The following CNTN4 variants were observed in gnomAD, a reference collection of about 807,000 sequenced individuals.
CNTN4 encodes contactin-4.
In CNTN4, 77 loss-of-function variants were observed where a neutral mutation model predicts 122.5. That is an observed-to-expected ratio of 0.63 (90% confidence interval 0.52 to 0.76). The LOEUF (loss-of-function observed/expected upper bound fraction) is 0.76, where lower values mean the gene tolerates loss of function less well. Among genes scored for constraint, CNTN4 ranks in the 30% least tolerant of loss-of-function variants. The pLI is 0.00. For synonymous variants in CNTN4, 512 were observed against 447.0 expected (o/e 1.15, Z -1.83); for missense variants, 1,256 against 1,259.1 (o/e 1.00, Z 0.04).
intron 3 of CNTN4, among the ~76,000 whole-genome samples, chr3:2,470,070 CTT>C (rs35030608): frequency 1.4e-4 from 20 of 146,514 alleles, no homozygotes; most frequent in African/African-American, 3.0e-4. Context: ...ATGTTGCTTT[CTT>C]TTTTTTTTTT....
intron 3 of CNTN4, among the ~76,000 whole-genome samples, chr3:2,417,669 A>C (rs2151083243): frequency 6.6e-6 from 1 of 152,364 alleles, no homozygotes; most frequent in South Asian, 2.1e-4. Context: ...GTTTACATAA[A>C]GACCTGCACA....
chr3:2,186,176 C>T (rs993080544), intron 2 of CNTN4, among the ~76,000 whole-genome samples: 1 of 150,208 alleles, frequency 6.7e-6, no homozygotes, highest in African/African-American at 2.5e-5. Flanking sequence ...TGAGAACATG[C>T]AGTGTTTGGT....
At chr3:2,390,215 AGTGTGTGTGTGTGTGTGTGTGT>A in intron 3 of CNTN4, among the ~76,000 whole-genome samples, 1 of 144,878 alleles carries the variant, frequency 6.9e-6, no homozygotes, top group East Asian at 2.0e-4. Context: ...AGGAAAAAAG[AGTGTGTGTGTGTGTGTGTGTGT>A]GTGTGTGTGT....
intron 4 of CNTN4, among the ~76,000 whole-genome samples, chr3:2,677,482 A>C (rs575014397): frequency 0.013 from 1,584 of 121,052 alleles, 46 homozygotes; most frequent in Non-Finnish European, 0.017. Flanking sequence ...CTATCCATCT[A>C]TATCTATCTA....
At chr3:2,483,828 C>T (rs1306497729) in intron 3 of CNTN4, among the ~76,000 whole-genome samples, 3 of 152,046 alleles carry the variant, frequency 2.0e-5, no homozygotes, top group Non-Finnish European at 4.4e-5. Context: ...TATAAAATAC[C>T]CAGTCTCAGG....
intron 2 of CNTN4, among the ~76,000 whole-genome samples, chr3:2,125,499 A>G (rs940169732): frequency 1.4e-4 from 21 of 151,658 alleles, no homozygotes; most frequent in Non-Finnish European, 1.0e-4. Flanking sequence ...AATCTTTGAC[A>G]TCTTGACTTC....
At chr3:2,997,569 T>C (rs1307092213) in intron 14 of CNTN4, among the ~76,000 whole-genome samples, 1 of 152,202 alleles carries the variant, frequency 6.6e-6, no homozygotes, top group Non-Finnish European at 1.5e-5. Flanking sequence ...TGAATTTCTT[T>C]GGCTGTCGCA....
At chr3:2,747,175 C>T (rs940428790) in intron 6 of CNTN4, among the ~76,000 whole-genome samples, 8 of 151,866 alleles carry the variant, frequency 5.3e-5, no homozygotes, top group Non-Finnish European at 1.2e-4. Flanking sequence ...TTTGGGAGGC[C>T]GAGGCGGGCG....
At chr3:2,406,290 A>C (rs1462816895) in intron 3 of CNTN4, among the ~76,000 whole-genome samples, 1 of 152,200 alleles carries the variant, frequency 6.6e-6, no homozygotes, top group Non-Finnish European at 1.5e-5. Flanking sequence ...TACCCCTGAC[A>C]TGACACAGTG....
intron 3 of CNTN4, among the ~76,000 whole-genome samples, chr3:2,563,637 G>C (rs1483524065): frequency 6.6e-6 from 1 of 152,110 alleles, no homozygotes; most frequent in Non-Finnish European, 1.5e-5. Context: ...ATGGATAATT[G>C]TGAGAAAAAT....
chr3:2,151,757 A>C (rs1319753847), intron 2 of CNTN4, among the ~76,000 whole-genome samples: 1 of 152,126 alleles, frequency 6.6e-6, no homozygotes, highest in Non-Finnish European at 1.5e-5. Flanking sequence ...AGAAGAGGAA[A>C]ACAGACCTGA....
At chr3:3,025,450 C>G (rs1698647076) in intron 14 of CNTN4, among the ~76,000 whole-genome samples, 1 of 151,982 alleles carries the variant, frequency 6.6e-6, no homozygotes, top group African/African-American at 2.4e-5. Context: ...AAGGAATAAA[C>G]ATGCCTATAC....
intron 4 of CNTN4, among the ~76,000 whole-genome samples, chr3:2,701,409 A>T (rs1003524336): frequency 6.6e-6 from 1 of 152,210 alleles, no homozygotes; most frequent in South Asian, 2.1e-4. Flanking sequence ...GGATAACAGC[A>T]CACAAAGTGG....
chr3:2,248,122 C>A (rs886242829), intron 2 of CNTN4, among the ~76,000 whole-genome samples: 4 of 151,860 alleles, frequency 2.6e-5, no homozygotes, highest in Non-Finnish European at 4.4e-5. Flanking sequence ...AAGTAAGAAC[C>A]TATAAAAGTT....
At position 2,810,716 on chromosome 3, in the gene CNTN4, C is replaced by T. The variant is rs372086171; in HGVS notation, c.359-8770C>T. Among the ~76,000 whole-genome samples the T allele has an allele frequency of 3.3e-5, 5 of 152,358 alleles. No individual in the cohort carries two copies. In the East Asian group the frequency reaches 9.6e-4, roughly 29 times the overall value. On this transcript the variant is annotated intron_variant, in intron 6 of 24. Coordinates refer to ENST00000418658, the MANE Select transcript of CNTN4 (RefSeq NM_175607.3). ...CTCTTACTTACTTGTTAAGTGAAAG[C>T]AACCTGATTGAATTAATTCACTCTT...
At chr3:2,140,125 A>G (rs1295327173) in intron 2 of CNTN4, among the ~76,000 whole-genome samples, 1 of 152,104 alleles carries the variant, frequency 6.6e-6, no homozygotes, top group African/African-American at 2.4e-5. Flanking sequence ...TTTGCCTTCC[A>G]CCATGCTTGT....
intron 3 of CNTN4, among the ~76,000 whole-genome samples, chr3:2,541,280 T>G (rs534418653): frequency 3.6e-4 from 55 of 152,136 alleles, no homozygotes; most frequent in Non-Finnish European, 6.6e-4. Context: ...TTTCCTTAGT[T>G]TTTTTCTTTT....
chr3:2,669,861 A>G (rs915073356), intron 4 of CNTN4, among the ~76,000 whole-genome samples: 2 of 152,120 alleles, frequency 1.3e-5, no homozygotes, highest in African/African-American at 2.4e-5. Context: ...CCCAGTAGTC[A>G]TTCAGGAGCA....
intron 3 of CNTN4, among the ~76,000 whole-genome samples, chr3:2,467,194 A>G (rs1179053350): frequency 6.7e-6 from 1 of 149,008 alleles, no homozygotes; most frequent in Non-Finnish European, 1.5e-5. Flanking sequence ...CAAAATACCC[A>G]AGGGTATGAA....
Sources: allele counts gnomAD v4.1 joint callset (sites outside exome capture counted in the v4.1 genomes callset), GRCh38; gene constraint gnomAD v4.1.1; transcripts MANE v1.5; gene names NCBI Gene and HGNC (gene_info 2026-07-23, HGNC 2026-07-21).